The following PCGF5 variants were observed in gnomAD, a reference collection of about 807,000 sequenced individuals.
PCGF5 encodes the protein polycomb group ring finger 5.
In PCGF5, 9 loss-of-function variants were observed where a neutral mutation model predicts 44.3. The observed-to-expected ratio is 0.20, with a 90% CI of 0.12 to 0.35. The LOEUF (loss-of-function observed/expected upper bound fraction) is 0.35. Among genes scored for constraint, PCGF5 ranks in the 10% least tolerant of loss-of-function variants. The pLI is 1.00. For synonymous variants in PCGF5, 95 were observed against 102.5 expected (o/e 0.93, Z 0.44); for missense variants, 146 against 305.3 (o/e 0.48, Z 3.89).
At chr10:91,160,709 G>A (rs1366560104), upstream of PCGF5, among the ~76,000 whole-genome samples, 1 of 152,080 alleles carries the variant, frequency 6.6e-6, no homozygotes, top group Admixed American at 6.6e-5. Flanking sequence ...TACACAAGAC[G>A]AGACAGAAAA....
intron 2 of PCGF5, among the ~76,000 whole-genome samples, chr10:91,224,248 A>G (rs1844758288): frequency 6.6e-6 from 1 of 152,186 alleles, no homozygotes; most frequent in Admixed American, 6.5e-5. Flanking sequence ...ATGCTGATGT[A>G]TACTCCTTTG....
chr10:91,169,239 A>C (rs1381210580), intron 1 of PCGF5, among the ~76,000 whole-genome samples: 1 of 152,214 alleles, frequency 6.6e-6, no homozygotes, highest in Non-Finnish European at 1.5e-5. Context: ...AATTGAATTG[A>C]TTACCCTAAT....
At chr10:91,233,194 C>T (rs1845058180) in intron 2 of PCGF5, among the ~76,000 whole-genome samples, 1 of 152,152 alleles carries the variant, frequency 6.6e-6, no homozygotes, top group East Asian at 1.9e-4. Flanking sequence ...CCATCCCAGT[C>T]TTACCACTGA....
chr10:91,266,027 A>T (rs148353938), intron 8 of PCGF5, among the ~76,000 whole-genome samples: 50 of 152,338 alleles, frequency 3.3e-4, no homozygotes, highest in Non-Finnish European at 6.6e-4. Flanking sequence ...GATTGTACAT[A>T]CATCAATCAC....
At chr10:91,246,375 A>G (rs1195887343) in intron 3 of PCGF5, among the ~76,000 whole-genome samples, 1 of 152,192 alleles carries the variant, frequency 6.6e-6, no homozygotes. Flanking sequence ...AGAAAAATGA[A>G]TTGGAAAAGA....
upstream of PCGF5, among the ~76,000 whole-genome samples, chr10:91,216,646 A>G (rs1844546278): frequency 6.6e-6 from 1 of 152,180 alleles, no homozygotes; most frequent in Admixed American, 6.5e-5. Flanking sequence ...GAGAGTAGAG[A>G]TGATAGTGGA....
At chr10:91,200,744 G>A (rs1482197279) in intron 1 of PCGF5, among the ~76,000 whole-genome samples, 1 of 152,148 alleles carries the variant, frequency 6.6e-6, no homozygotes, top group Non-Finnish European at 1.5e-5. Flanking sequence ...TCATCACTTT[G>A]TGGTCATTGG....
chr10:91,200,418 G>A (rs1186754075), intron 1 of PCGF5, among the ~76,000 whole-genome samples: 2 of 152,200 alleles, frequency 1.3e-5, no homozygotes, highest in Non-Finnish European at 2.9e-5. Context: ...AAAGAACAGG[G>A]GATGTAGCCC....
chr10:91,260,834 A>C (rs988020001), intron 6 of PCGF5, among the ~76,000 whole-genome samples: 1 of 150,592 alleles, frequency 6.6e-6, no homozygotes, highest in African/African-American at 2.4e-5. Flanking sequence ...GGGGAGGGAT[A>C]GCAGTAGGAG....
chr10:91,231,185 T>G (rs1844993043), intron 2 of PCGF5, among the ~76,000 whole-genome samples: 1 of 152,222 alleles, frequency 6.6e-6, no homozygotes, highest in Admixed American at 6.5e-5. Flanking sequence ...TTCCCTTTAG[T>G]ATTCCTAACC....
Position 91,279,738 on chromosome 10 carries a change from T to C in PCGF5, c.*1422T>C, listed in dbSNP as rs181383797. On this transcript the variant is annotated 3_prime_UTR_variant, in exon 10 of 10. Transcript: ENST00000336126. Reference sequence around the variant, plus strand: ...AGTTAGGAAAAATATTTGAGAAATATGACGAGCACAATCTGTGTGTTACAC... The same window carrying C: ...AGTTAGGAAAAATATTTGAGAAATACGACGAGCACAATCTGTGTGTTACAC... 3.9e-4 allele frequency: 59 copies of C among 152,268 alleles called. No homozygotes were observed. The East Asian group carries it at 0.01, about 26-fold the overall frequency. The allele number at this position is 152,268 out of a possible 1,614,324, so 9.4% of individuals were successfully genotyped here.
chr10:91,194,880 T>C (rs1844099003), intron 1 of PCGF5, among the ~76,000 whole-genome samples: 1 of 152,102 alleles, frequency 6.6e-6, no homozygotes, highest in Non-Finnish European at 1.5e-5. Context: ...GTTGATGATA[T>C]AAGGGAAAGA....
At chr10:91,162,108 T>C (rs1473057801), upstream of PCGF5, among the ~76,000 whole-genome samples, 7 of 151,686 alleles carry the variant, frequency 4.6e-5, no homozygotes, top group African/African-American at 1.5e-4. Flanking sequence ...CAAAATAAAG[T>C]GTCAAAGGAC....
At chr10:91,219,245 C>T (rs983231003), upstream of PCGF5, among the ~76,000 whole-genome samples, 4 of 152,168 alleles carry the variant, frequency 2.6e-5, no homozygotes, top group Non-Finnish European at 5.9e-5. Context: ...TCCTAAAACC[C>T]GCCTTCAAGC....
chr10:91,205,428 T>A (rs1295235940), intron 1 of PCGF5, among the ~76,000 whole-genome samples: 1 of 152,208 alleles, frequency 6.6e-6, no homozygotes, highest in African/African-American at 2.4e-5. Context: ...GATATTAGTA[T>A]TTTAAGTGAC....
intron 5 of PCGF5, among the ~76,000 whole-genome samples, chr10:91,250,565 T>TAG (rs1256621607): frequency 1.3e-5 from 2 of 150,824 alleles, no homozygotes; most frequent in African/African-American, 4.9e-5. Context: ...GAGAGGATGA[T>TAG]AGCTCTAGTT....
intron 1 of PCGF5, among the ~76,000 whole-genome samples, chr10:91,175,181 G>A (rs1038886358): frequency 6.6e-6 from 1 of 152,174 alleles, no homozygotes; most frequent in Admixed American, 6.5e-5. Flanking sequence ...ACCACAAGAT[G>A]AAGTCTTTAA....
At chr10:91,175,261 C>A (rs1304192081) in intron 1 of PCGF5, among the ~76,000 whole-genome samples, 1 of 152,004 alleles carries the variant, frequency 6.6e-6, no homozygotes, top group Non-Finnish European at 1.5e-5. Flanking sequence ...GGATGCCAGA[C>A]AAAACAGAAG....
chr10:91,179,969 A>G (rs1420507913), intron 1 of PCGF5, among the ~76,000 whole-genome samples: 2 of 152,090 alleles, frequency 1.3e-5, no homozygotes, highest in South Asian at 2.1e-4. Flanking sequence ...CCTACCAATA[A>G]TATATAACAT....
Sources: gnomAD v4.1 joint callset for allele counts (sites outside exome capture counted in the v4.1 genomes callset) on GRCh38, gnomAD v4.1.1 for gene constraint, MANE v1.5 for transcripts, NCBI Gene and HGNC (gene_info 2026-07-23, HGNC 2026-07-21) for gene names.